Variants in MSRA observed in about 807,000 individuals in gnomAD.
The protein encoded by MSRA is methionine sulfoxide reductase A, also known as mitochondrial peptide methionine sulfoxide reductase.
MSRA carries 54 observed loss-of-function variants against 31.3 expected under a neutral mutation model. The ratio of observed to expected loss-of-function variants is 1.73; its 90% CI spans 1.39 to 2.17. MSRA has a LOEUF of 2.17. Ranked by LOEUF, MSRA falls within the 30% of genes most tolerant of loss-of-function variation. MSRA has a pLI of 0.00. For missense variants in MSRA, 507 were observed against 300.9 expected (o/e 1.69, Z -5.07); for synonymous variants, 169 against 116.5 (o/e 1.45, Z -2.90).
At chr8:10,335,169 G>A (rs1325095811) in intron 5 of MSRA, among the ~76,000 whole-genome samples, 5 of 151,724 alleles carry the variant, frequency 3.3e-5, no homozygotes, top group African/African-American at 9.7e-5. Flanking sequence ...CCATGGAATG[G>A]GAAGCAGGTG....
intron 5 of MSRA, among the ~76,000 whole-genome samples, chr8:10,322,010 A>G (rs1802071789): frequency 6.6e-6 from 1 of 152,184 alleles, no homozygotes; most frequent in Admixed American, 6.5e-5. Flanking sequence ...TTACCTATAT[A>G]TTCTTTCTCT....
chr8:10,316,565 T>C (rs1448739792), intron 4 of MSRA, among the ~76,000 whole-genome samples: 1 of 149,164 alleles, frequency 6.7e-6, no homozygotes, highest in African/African-American at 2.5e-5. Context: ...TCTCTCTCTC[T>C]CTCTCTCTCC....
chr8:10,262,919 C>T (rs183364459), intron 3 of MSRA, among the ~76,000 whole-genome samples: 57 of 152,192 alleles, frequency 3.7e-4, no homozygotes, highest in African/African-American at 1.3e-3. Flanking sequence ...CATTTTTTGC[C>T]GTGTTGGTCA....
intron 2 of MSRA, among the ~76,000 whole-genome samples, chr8:10,240,337 A>C (rs1563257521): frequency 6.6e-6 from 1 of 152,106 alleles, no homozygotes; most frequent in South Asian, 2.1e-4. Context: ...GCGGGTGTGC[A>C]TGCTGTTGGG....
intron 5 of MSRA, among the ~76,000 whole-genome samples, chr8:10,379,526 G>A (rs1385295201): frequency 6.6e-6 from 1 of 152,094 alleles, no homozygotes; most frequent in Non-Finnish European, 1.5e-5. Flanking sequence ...TGAGCATCCT[G>A]GTCTCCCAGC....
At chr8:10,191,960 A>T (rs569209768) in intron 1 of MSRA, among the ~76,000 whole-genome samples, 2 of 152,262 alleles carry the variant, frequency 1.3e-5, no homozygotes, top group African/African-American at 2.4e-5. Context: ...GTGCCCCTGG[A>T]TCAGTGTTCC....
At chr8:10,096,513 G>C (rs1799166435) in intron 1 of MSRA, among the ~76,000 whole-genome samples, 2 of 152,166 alleles carry the variant, frequency 1.3e-5, no homozygotes, top group Non-Finnish European at 2.9e-5. Flanking sequence ...AAATCTTTTG[G>C]AGAAGAAGTG....
chr8:10,303,145 C>T (rs527759457), intron 4 of MSRA, among the ~76,000 whole-genome samples: 1 of 152,284 alleles, frequency 6.6e-6, no homozygotes, highest in South Asian at 2.1e-4. Context: ...TATCAGAGGC[C>T]CAGGCAAGGC....
rs1194908852 is a variant in MSRA at position 10,428,879 on chromosome 8, C to G, written c.*567C>G. The G allele has an allele frequency of 2.0e-5, 3 of 152,700 alleles. No homozygotes were observed. Among genetic ancestry groups the G allele is most frequent in the Admixed American group, 2.0e-4 (3 of 15,282 alleles). The allele number at this position is 152,700 out of a possible 1,614,324, so 9.5% of individuals were successfully genotyped here. ...GTTTGTTTTAATAAAAACCTACAGT[C>G]CAATAATGCCAACTGCCTGACATCT... On this transcript the variant is annotated 3_prime_UTR_variant, in exon 6 of 6. Transcript: ENST00000317173.
chr8:10,141,097 C>T (rs1031270382), intron 1 of MSRA, among the ~76,000 whole-genome samples: 5 of 152,144 alleles, frequency 3.3e-5, no homozygotes, highest in Admixed American at 2.6e-4. Context: ...CACTCAAATC[C>T]AACAAACCCT....
chr8:10,181,282 G>C (rs571519184), intron 1 of MSRA, among the ~76,000 whole-genome samples: 1 of 152,306 alleles, frequency 6.6e-6, no homozygotes, highest in South Asian at 2.1e-4. Context: ...AAACCTGCAT[G>C]AAGTCAGAAA....
chr8:10,297,190 C>G (rs559792442), intron 3 of MSRA, among the ~76,000 whole-genome samples: 13 of 152,118 alleles, frequency 8.5e-5, no homozygotes, highest in Non-Finnish European at 1.5e-4. Context: ...TTGTATGTCT[C>G]TTCTTGGATT....
At chr8:10,133,758 C>T (rs1478700925) in intron 1 of MSRA, among the ~76,000 whole-genome samples, 1 of 152,178 alleles carries the variant, frequency 6.6e-6, no homozygotes, top group Non-Finnish European at 1.5e-5. Flanking sequence ...TACTTGGAGG[C>T]TGAACCTTAA....
intron 5 of MSRA, among the ~76,000 whole-genome samples, chr8:10,383,978 C>G (rs796177116): frequency 7.9e-5 from 12 of 152,304 alleles, no homozygotes; most frequent in African/African-American, 2.2e-4. Context: ...AGGGCTGCAG[C>G]CACATTCACG....
intron 5 of MSRA, among the ~76,000 whole-genome samples, chr8:10,405,434 A>C (rs564069306): frequency 3.9e-5 from 6 of 152,338 alleles, no homozygotes; most frequent in African/African-American, 1.4e-4. Context: ...CCATCATGGC[A>C]GAAGGAAGAT....
At chr8:10,221,402 G>A (rs1472194534) in intron 2 of MSRA, among the ~76,000 whole-genome samples, 1 of 150,528 alleles carries the variant, frequency 6.6e-6, no homozygotes, top group Non-Finnish European at 1.5e-5. Context: ...TCTATATTAA[G>A]CTACATATTA....
intron 5 of MSRA, among the ~76,000 whole-genome samples, chr8:10,335,330 C>G (rs928268058): frequency 6.2e-5 from 9 of 145,300 alleles, no homozygotes; most frequent in African/African-American, 2.3e-4. Context: ...AGACACTGCA[C>G]GTGAGGCCTG....
chr8:10,082,616 A>G (rs1345781820), intron 1 of MSRA, among the ~76,000 whole-genome samples: 1 of 152,144 alleles, frequency 6.6e-6, no homozygotes, highest in Non-Finnish European at 1.5e-5. Context: ...CTTTTTGAAC[A>G]CTGACCTCGC....
intron 5 of MSRA, among the ~76,000 whole-genome samples, chr8:10,334,469 G>T (rs998118319): frequency 2.0e-4 from 30 of 152,058 alleles, no homozygotes; most frequent in South Asian, 1.9e-3. Context: ...TTTTATTTCT[G>T]TGGCGCCAAG....
Sources: allele counts gnomAD v4.1 joint callset (sites outside exome capture counted in the v4.1 genomes callset), GRCh38; gene constraint gnomAD v4.1.1; transcripts MANE v1.5; gene names NCBI Gene and HGNC (gene_info 2026-07-23, HGNC 2026-07-21).